TECPR2: variants seen among roughly 807,000 people sequenced by gnomAD.
The protein encoded by TECPR2 is tectonin beta-propeller repeat-containing protein 2.
Under a neutral mutation model 138.1 loss-of-function variants are expected in TECPR2, and 65 were observed. The observed-to-expected ratio is 0.47, with a 90% CI of 0.39 to 0.58. TECPR2 has a LOEUF of 0.58. Among genes scored for constraint, TECPR2 ranks in the 20% least tolerant of loss-of-function variants. The pLI is 0.00. For missense variants in TECPR2, 1,553 were observed against 1,824.5 expected, an observed-to-expected ratio of 0.85 and a Z score of 2.71; for synonymous variants, 746 against 749.8, an observed-to-expected ratio of 0.99 and a Z score of 0.08.
chr14:102,458,005 C>T (rs1890315738), intron 16 of TECPR2, among the ~76,000 whole-genome samples: 1 of 151,528 alleles, frequency 6.6e-6, no homozygotes, highest in South Asian at 2.1e-4. Flanking sequence ...TCCCAAGTAG[C>T]TGGGATTACA....
intron 2 of TECPR2, among the ~76,000 whole-genome samples, chr14:102,384,699 A>ATGTG (rs1473569032): frequency 6.9e-6 from 1 of 145,424 alleles, no homozygotes; most frequent in Non-Finnish European, 1.5e-5. Context: ...ATATATATAT[A>ATGTG]TGTGTGTGTG....
At chr14:102,459,244 AG>A in intron 16 of TECPR2, among the ~76,000 whole-genome samples, 1 of 152,252 alleles carries the variant, frequency 6.6e-6, no homozygotes, top group Non-Finnish European at 1.5e-5. Context: ...TTAAAATGTC[AG>A]GGAAAGTCAG....
At chr14:102,481,153 C>T (rs759937589) in intron 17 of TECPR2, among the ~76,000 whole-genome samples, 71 of 152,070 alleles carry the variant, frequency 4.7e-4, no homozygotes, top group Non-Finnish European at 8.1e-4. Flanking sequence ...GCTGGGGCTA[C>T]AGGTGAGTGC....
chr14:102,466,359 A>T (rs1890550590), intron 17 of TECPR2, among the ~76,000 whole-genome samples: 1 of 152,206 alleles, frequency 6.6e-6, no homozygotes, highest in Non-Finnish European at 1.5e-5. Context: ...TGTGAATGAT[A>T]CGGCACTGTC....
At chr14:102,383,198 A>G (rs753869576) in intron 2 of TECPR2, among the ~76,000 whole-genome samples, 53 of 152,312 alleles carry the variant, frequency 3.5e-4, no homozygotes, top group Non-Finnish European at 5.1e-4. Flanking sequence ...CAAGGTAACT[A>G]TTCTGACTTC....
chr14:102,382,079 G>T (rs1427837081), intron 2 of TECPR2, among the ~76,000 whole-genome samples: 6 of 152,148 alleles, frequency 3.9e-5, no homozygotes, highest in Admixed American at 3.9e-4. Context: ...GGATCACGAG[G>T]TCAGGAGATC....
intron 17 of TECPR2, among the ~76,000 whole-genome samples, chr14:102,468,402 T>G (rs983335815): frequency 6.6e-6 from 1 of 152,204 alleles, no homozygotes; most frequent in Non-Finnish European, 1.5e-5. Flanking sequence ...TTGGCCAGGC[T>G]GGTCTTGAAC....
rs1567365923 is a variant in TECPR2 at position 102,497,032 on chromosome 14, G to A, written c.3843G>A (p.Leu1281=). The A allele has an allele frequency of 1.9e-6, 3 of 1,614,070 alleles. No homozygotes were observed. The highest frequency in any genetic ancestry group is 1.1e-5 in the South Asian group (1 of 91,088). The change falls in exon 18 of 20, where the codon CTG becomes CTA. Residue 1281 remains leucine (L), a synonymous_variant. Transcript: ENST00000359520. ...SVHSSPNDQM[L]WVLDSRWNVH... ...ATTCCAGCCCCAACGACCAGATGCT[G>A]TGGGTGCTTGACAGCAGGTGGAACG...
rs558318396 is a variant in TECPR2, at chr14:102,440,531, C to T, written c.2674C>T (p.Pro892Ser). 1.9e-6 allele frequency: 3 copies of T among 1,614,192 alleles called. No homozygotes were observed. The highest frequency in any genetic ancestry group is 1.1e-5 in the South Asian group (1 of 91,086). The change falls in exon 11 of 20, where the codon CCC becomes TCC. Residue 892 changes from proline to serine, a missense_variant. Transcript: ENST00000359520. ...GAAGCGGCACTGGTACGAAGCCCTG[C>T]CCCAGGCAGTGTTTGTGGCCCTGAG... The part of the protein sequence containing the change: ...KGKRHWYEAL[P>S]QAVFVALSDD...
Position 102,443,685 on chromosome 14 carries a change from G to A in TECPR2, c.2791G>A (p.Val931Met), listed in dbSNP as rs775656313. 3.7e-6 allele frequency: 6 copies of A among 1,607,270 alleles called. No individual in the cohort carries two copies. The highest frequency in any genetic ancestry group is 1.1e-5 in the South Asian group (1 of 90,388). ...TCGCCCTTGTGCCAGAGCCGTAAAG[G>A]TGGACTGTCCCTACCCGCTGTCCCA... ...VDRPCARAVKVDCPYPLSQIT... is the reference protein window; with the variant it reads ...VDRPCARAVKMDCPYPLSQIT... Residue 931 changes from valine (V) to methionine (M), a missense_variant, in exon 12 of 20, where the codon GTG (valine) becomes ATG (methionine). Physicochemically the swap from Val to Met is conservative, Grantham distance 21. Coordinates refer to ENST00000359520, the MANE Select transcript of TECPR2 (RefSeq NM_014844.5). The surrounding 1 kb of genome is among the most constrained non-coding windows in gnomAD (Gnocchi z 4.9).
chr14:102,487,481 C>T (rs1455565135), intron 17 of TECPR2, among the ~76,000 whole-genome samples: 11 of 152,220 alleles, frequency 7.2e-5, no homozygotes, highest in Admixed American at 7.2e-4. Context: ...GATAAAAGCT[C>T]AGCTACAAGA....
chr14:102,484,103 C>G (rs1439758358), intron 17 of TECPR2, among the ~76,000 whole-genome samples: 1 of 152,112 alleles, frequency 6.6e-6, no homozygotes, highest in Non-Finnish European at 1.5e-5. Context: ...AGCCTGGAGG[C>G]TTCCTTTTGT....
intron 18 of TECPR2, 139 bp from the exon 19 acceptor site, chr14:102,497,431 C>A: frequency 2.4e-6 from 3 of 1,245,520 alleles, no homozygotes; most frequent in Non-Finnish European, 3.2e-6. Flanking sequence ...CGGCTCCTGC[C>A]CCAAGCCCAG....
chr14:102,483,317 G>A (rs544172331), intron 17 of TECPR2, among the ~76,000 whole-genome samples: 1 of 152,208 alleles, frequency 6.6e-6, no homozygotes, highest in East Asian at 1.9e-4. Flanking sequence ...ATGTGCTGGT[G>A]GGTGTCTGGG....
chr14:102,438,886 G>C (rs1889754518), intron 10 of TECPR2, among the ~76,000 whole-genome samples: 1 of 147,534 alleles, frequency 6.8e-6, no homozygotes, highest in Non-Finnish European at 1.5e-5. Context: ...TTTTGAGACA[G>C]AGTCTTGCTG....
chr14:102,380,741 C>T (rs969895517), intron 2 of TECPR2, among the ~76,000 whole-genome samples: 36 of 152,190 alleles, frequency 2.4e-4, no homozygotes, highest in Admixed American at 6.5e-5. Context: ...TGCAGTGGCG[C>T]GATCTCGGCT....
chr14:102,461,636 A>G (rs1890413864), intron 16 of TECPR2, among the ~76,000 whole-genome samples: 1 of 152,216 alleles, frequency 6.6e-6, no homozygotes, highest in Non-Finnish European at 1.5e-5. Flanking sequence ...GACTTCACAC[A>G]GTGAACCGTG....
chr14:102,464,003 C>T (rs1271908897), intron 16 of TECPR2, among the ~76,000 whole-genome samples: 1 of 152,222 alleles, frequency 6.6e-6, no homozygotes. Flanking sequence ...TAGGTAAAGT[C>T]TCAGAGGTCA....
intron 2 of TECPR2, among the ~76,000 whole-genome samples, chr14:102,400,362 A>G (rs912559454): frequency 1.3e-5 from 2 of 152,196 alleles, no homozygotes; most frequent in Non-Finnish European, 2.9e-5. Flanking sequence ...TGTTTTCTAC[A>G]TAATTTAAAA....
Sources: allele counts gnomAD v4.1 joint callset (sites outside exome capture counted in the v4.1 genomes callset), GRCh38; gene constraint gnomAD v4.1.1; non-coding constraint Gnocchi (gnomAD v3.1); transcripts MANE v1.5; gene names NCBI Gene and HGNC (gene_info 2026-07-23, HGNC 2026-07-21).